CADM2: variants seen among roughly 807,000 people sequenced by gnomAD.
CADM2 encodes cell adhesion molecule 2.
In CADM2, 12 loss-of-function variants were observed where a neutral mutation model predicts 49.8. The observed-to-expected ratio is 0.24, with a 90% CI of 0.15 to 0.39. The LOEUF (loss-of-function observed/expected upper bound fraction) is 0.39. Ranked by LOEUF, CADM2 falls within the 10% of genes least tolerant of loss-of-function variation. The probability of loss-of-function intolerance (pLI) is 1.00; values close to 1 mark genes in which losing one functional copy is unlikely to be tolerated. For missense variants in CADM2, 378 were observed against 492.3 expected (o/e 0.77, Z 2.20); for synonymous variants, 214 against 175.4 (o/e 1.22, Z -1.74).
At chr3:85,925,406 C>G (rs1389786341) in intron 6 of CADM2, among the ~76,000 whole-genome samples, 2 of 152,016 alleles carry the variant, frequency 1.3e-5, no homozygotes, top group African/African-American at 2.4e-5. Context: ...ATTTAACACA[C>G]CGTTGAAGAA....
At chr3:85,110,687 A>C (rs1199866355) in intron 1 of CADM2, among the ~76,000 whole-genome samples, 1 of 151,924 alleles carries the variant, frequency 6.6e-6, no homozygotes, top group Admixed American at 6.6e-5. Flanking sequence ...AAATACACGC[A>C]TATGCCCTTT....
At chr3:85,736,686 G>A (rs1180935641) in intron 2 of CADM2, among the ~76,000 whole-genome samples, 3 of 151,946 alleles carry the variant, frequency 2.0e-5, no homozygotes, top group African/African-American at 7.3e-5. Context: ...CTTATTCTAA[G>A]AACAATGGGA....
intron 1 of CADM2, among the ~76,000 whole-genome samples, chr3:85,308,310 T>TACAC (rs10662960): frequency 0.01 from 1,442 of 143,586 alleles, 5 homozygotes; most frequent in African/African-American, 0.019. Context: ...TCTACCTCTC[T>TACAC]ACACACACAC....
intron 3 of CADM2, among the ~76,000 whole-genome samples, chr3:85,868,230 T>A (rs2108344667): frequency 6.6e-6 from 1 of 152,190 alleles, no homozygotes; most frequent in East Asian, 1.9e-4. Context: ...TTTACATCCT[T>A]CTGTTCTATT....
intron 1 of CADM2, among the ~76,000 whole-genome samples, chr3:85,243,131 A>T (rs1411003526): frequency 6.6e-6 from 1 of 151,814 alleles, no homozygotes; most frequent in Non-Finnish European, 1.5e-5. Flanking sequence ...AAGAAAGTAA[A>T]TTGTATTAAA....
intron 5 of CADM2, among the ~76,000 whole-genome samples, chr3:85,902,225 A>G (rs1430660309): frequency 6.6e-6 from 1 of 152,014 alleles, no homozygotes. Flanking sequence ...ATACATACTT[A>G]TAATTGTTAT....
chr3:85,026,232 T>C (rs1238100345), intron 1 of CADM2, among the ~76,000 whole-genome samples: 1 of 152,214 alleles, frequency 6.6e-6, no homozygotes, highest in Middle Eastern at 3.2e-3. Context: ...TTAAAATATT[T>C]TGCACTAATT....
At chr3:85,473,363 C>G (rs2038848196) in intron 1 of CADM2, among the ~76,000 whole-genome samples, 1 of 152,004 alleles carries the variant, frequency 6.6e-6, no homozygotes. Flanking sequence ...ACAAGTAGCT[C>G]CTGTGTTTTG....
In CADM2 at chr3:85,431,860, C is replaced by CATATATATATATGCAATTGCAT. The variant is rs1553722699; in HGVS notation, c.62-294648_62-294647insAATTGCATATATATATATATGC. Reference sequence around the variant, plus strand: ...AACACCATGGTCTTATGCTTAATTGCATATATATATATGCCATGCTCTTTC... The same window carrying CATATATATATATGCAATTGCAT: ...AACACCATGGTCTTATGCTTAATTGCATATATATATATGCAATTGCATATATATATATATGCCATGCTCTTTC... On this transcript the variant is annotated intron_variant, in intron 1 of 9. Coordinates refer to ENST00000383699, the MANE Select transcript of CADM2 (RefSeq NM_001167675.2). Among the ~76,000 whole-genome samples the CATATATATATATGCAATTGCAT allele has an allele frequency of 3.9e-5, 2 of 51,812 alleles. 1 individual carries two copies. Among genetic ancestry groups the CATATATATATATGCAATTGCAT allele is most frequent in the Non-Finnish European group, 8.5e-5 (2 of 23,420 alleles). The allele number at this position is 51,812 out of a possible 152,430, so 34.0% of individuals were successfully genotyped here.
chr3:85,404,650 G>C (rs529851283), intron 1 of CADM2, among the ~76,000 whole-genome samples: 21 of 152,234 alleles, frequency 1.4e-4, no homozygotes, highest in East Asian at 7.7e-4. Flanking sequence ...TCAACTGCTT[G>C]AGTTAAATAT....
intron 1 of CADM2, among the ~76,000 whole-genome samples, chr3:85,141,742 T>C (rs2039584491): frequency 6.6e-6 from 1 of 152,216 alleles, no homozygotes; most frequent in East Asian, 1.9e-4. Context: ...TATCCGGAAC[T>C]CTCATTGACT....
intron 8 of CADM2, among the ~76,000 whole-genome samples, chr3:86,025,423 C>A (rs1195362447): frequency 2.0e-5 from 3 of 148,716 alleles, no homozygotes; most frequent in Admixed American, 6.6e-5. Flanking sequence ...AAGTAAATAT[C>A]TTCTAAGGAC....
intron 8 of CADM2, among the ~76,000 whole-genome samples, chr3:86,032,595 C>T (rs190589683): frequency 2.0e-5 from 3 of 151,940 alleles, no homozygotes; most frequent in Admixed American, 6.6e-5. Context: ...ATGGAATTGA[C>T]TTAACTCTAT....
chr3:85,438,327 G>T (rs905942962), intron 1 of CADM2, among the ~76,000 whole-genome samples: 1 of 150,522 alleles, frequency 6.6e-6, no homozygotes, highest in Admixed American at 6.7e-5. Flanking sequence ...ATCATTATCT[G>T]TATCTTATGC....
intron 1 of CADM2, among the ~76,000 whole-genome samples, chr3:85,577,981 C>G (rs2062684657): frequency 1.5e-5 from 1 of 68,702 alleles, no homozygotes; most frequent in African/African-American, 7.6e-5. Context: ...ACCTATTAAT[C>G]TCTTTCCTTC....
chr3:85,017,286 G>A (rs2034293098), intron 1 of CADM2, among the ~76,000 whole-genome samples: 1 of 152,146 alleles, frequency 6.6e-6, no homozygotes, highest in Admixed American at 6.5e-5. Flanking sequence ...AAGACAGAAT[G>A]TGATAGCACA....
At chr3:84,995,733 G>A (rs2033147373) in intron 1 of CADM2, among the ~76,000 whole-genome samples, 1 of 152,122 alleles carries the variant, frequency 6.6e-6, no homozygotes, top group South Asian at 2.1e-4. Context: ...TTATTTCCAT[G>A]ATTGCTAACA....
intron 1 of CADM2, among the ~76,000 whole-genome samples, chr3:85,544,032 G>T (rs974767307): frequency 2.0e-5 from 3 of 152,068 alleles, no homozygotes; most frequent in African/African-American, 7.2e-5. Flanking sequence ...AAATTAGAAA[G>T]CAACTGTAAC....
chr3:85,769,998 A>G (rs1164900165), intron 2 of CADM2, among the ~76,000 whole-genome samples: 2 of 150,798 alleles, frequency 1.3e-5, no homozygotes, highest in Non-Finnish European at 2.9e-5. Context: ...CAAAAAACAA[A>G]CAAAAAAAAC....
Sources: gnomAD v4.1 joint callset for allele counts (sites outside exome capture counted in the v4.1 genomes callset) on GRCh38, gnomAD v4.1.1 for gene constraint, MANE v1.5 for transcripts, NCBI Gene and HGNC (gene_info 2026-07-23, HGNC 2026-07-21) for gene names.